The following NPAS3 variants were observed in gnomAD, a reference collection of about 807,000 sequenced individuals.
The protein encoded by NPAS3 is neuronal PAS domain protein 3, also known as neuronal PAS domain-containing protein 3.
In NPAS3, 14 loss-of-function variants were observed where a neutral mutation model predicts 73.1. The ratio of observed to expected loss-of-function variants is 0.19; its 90% confidence interval spans 0.13 to 0.30. The LOEUF (loss-of-function observed/expected upper bound fraction) is 0.30. Ranked by LOEUF, NPAS3 falls within the 10% of genes least tolerant of loss-of-function variation. The pLI is 1.00. For missense variants in NPAS3, 1,096 were observed against 1,250.0 expected, an observed-to-expected ratio of 0.88 and a Z score of 1.86; for synonymous variants, 620 against 541.5, an observed-to-expected ratio of 1.14 and a Z score of -2.01.
chr14:33,105,477 C>T (rs1426560728), intron 2 of NPAS3, among the ~76,000 whole-genome samples: 1 of 152,070 alleles, frequency 6.6e-6, no homozygotes, highest in Non-Finnish European at 1.5e-5. Flanking sequence ...ATTTTCAGTT[C>T]TCAACCTACC....
At chr14:33,101,077 T>C (rs2138885638) in intron 2 of NPAS3, among the ~76,000 whole-genome samples, 1 of 152,204 alleles carries the variant, frequency 6.6e-6, no homozygotes, top group South Asian at 2.1e-4. Flanking sequence ...GGACTAGTTC[T>C]TTGTGAAATA....
At chr14:33,214,367 G>C (rs1340908703) in intron 2 of NPAS3, 1 of 152,086 alleles carries the variant, frequency 6.6e-6, no homozygotes, top group African/African-American at 2.4e-5. Context: ...CCCACCTGTT[G>C]CCTCTTCTGG....
At chr14:33,572,013 G>C (rs935823878) in intron 5 of NPAS3, among the ~76,000 whole-genome samples, 3 of 152,058 alleles carry the variant, frequency 2.0e-5, no homozygotes, top group Non-Finnish European at 4.4e-5. Flanking sequence ...TTTTTCACAA[G>C]GGTATTTCAT....
At position 33,191,263 on chromosome 14, in the gene NPAS3, A is replaced by T. The variant is rs548465140; in HGVS notation, c.141-23919A>T. On this transcript the variant is annotated intron_variant, in intron 2 of 11. Transcript: ENST00000356141. ...CATTTATCAGTAGATATCATAAAGT[A>T]TTATGATTTGGGTGGAAGAAACTGC... is the stretch of plus-strand genomic sequence containing the variant. Among the ~76,000 whole-genome samples the T allele has an allele frequency of 4.2e-4, 64 of 152,336 alleles. 1 individual carries two copies. The highest frequency in any genetic ancestry group is 7.8e-4 in the Non-Finnish European group (53 of 68,032).
chr14:33,236,454 A>G (rs536369643), intron 3 of NPAS3, among the ~76,000 whole-genome samples: 119 of 152,306 alleles, frequency 7.8e-4, no homozygotes, highest in Middle Eastern at 3.4e-3. Flanking sequence ...TTGGAGAAAT[A>G]GAAGATGCAT....
intron 9 of NPAS3, chr14:33,780,769 TGA>T (rs1156260969): frequency 5.3e-6 from 2 of 379,550 alleles, no homozygotes; most frequent in African/African-American, 4.3e-5. Context: ...CAGAATAATT[TGA>T]GAGTGCTGAA....
At chr14:33,174,562 T>TC (rs1427510143) in intron 2 of NPAS3, among the ~76,000 whole-genome samples, 7 of 152,232 alleles carry the variant, frequency 4.6e-5, no homozygotes, top group Non-Finnish European at 1.0e-4. Context: ...TGGGTCCAGT[T>TC]AGTCCCCTGC....
At chr14:33,037,840 T>G (rs1279869961) in intron 1 of NPAS3, among the ~76,000 whole-genome samples, 4 of 152,224 alleles carry the variant, frequency 2.6e-5, no homozygotes, top group African/African-American at 9.6e-5. Context: ...CTCAGTTGTT[T>G]TACTCTATTA....
At chr14:33,252,172 A>G (rs2048612325) in intron 3 of NPAS3, among the ~76,000 whole-genome samples, 1 of 151,580 alleles carries the variant, frequency 6.6e-6, no homozygotes, top group Non-Finnish European at 1.5e-5. Context: ...TCTAGTGACT[A>G]TGAGCAATTT....
chr14:33,240,069 A>G (rs1019049949), intron 3 of NPAS3, among the ~76,000 whole-genome samples: 9 of 151,914 alleles, frequency 5.9e-5, no homozygotes, highest in African/African-American at 2.2e-4. Context: ...TGTGCTTTAC[A>G]TCAGTTGCAC....
intron 4 of NPAS3, among the ~76,000 whole-genome samples, chr14:33,406,772 A>T (rs2047685932): frequency 6.6e-6 from 1 of 152,160 alleles, no homozygotes; most frequent in African/African-American, 2.4e-5. Context: ...AATCAGGCAC[A>T]CTAGTTTTAA....
At chr14:33,116,547 G>A (rs1247474791) in intron 2 of NPAS3, among the ~76,000 whole-genome samples, 1 of 152,042 alleles carries the variant, frequency 6.6e-6, no homozygotes, top group Non-Finnish European at 1.5e-5. Flanking sequence ...CTATATTATA[G>A]CAATGCTAGA....
At chr14:33,386,459 T>C (rs1392688764) in intron 4 of NPAS3, among the ~76,000 whole-genome samples, 1 of 152,086 alleles carries the variant, frequency 6.6e-6, no homozygotes, top group Non-Finnish European at 1.5e-5. Flanking sequence ...CAATGACCAA[T>C]GGGCAGATGT....
chr14:33,749,371 G>A lies in NPAS3; in HGVS notation c.852+14039G>A, dbSNP rs188296237. 2.2e-4 allele frequency among the ~76,000 whole-genome samples: 33 copies of A among 152,224 alleles called. 1 individual carries two copies. The South Asian group carries it at 2.7e-3, about 12-fold the overall frequency. On this transcript the variant is annotated intron_variant, in intron 7 of 11. Coordinates refer to ENST00000356141, the Ensembl canonical transcript of NPAS3. ...CCAGTGTTGTCTGAAATGGGTGTACGTTTCCAGTTTTAGGGACCTGAAATG... is the reference window on the plus strand; with the variant it reads ...CCAGTGTTGTCTGAAATGGGTGTACATTTCCAGTTTTAGGGACCTGAAATG...
At chr14:33,512,079 TG>T (rs780799843) in intron 4 of NPAS3, among the ~76,000 whole-genome samples, 2 of 152,060 alleles carry the variant, frequency 1.3e-5, no homozygotes, top group African/African-American at 4.8e-5. Flanking sequence ...TCCATTGCCA[TG>T]GTGACAGAAA....
At position 33,264,285 on chromosome 14, in the gene NPAS3, G is replaced by C. The variant is rs181205104; in HGVS notation, c.385+48859G>C. ...TGGGGCCTGTTGTGGGGTAGGGGGA[G>C]GGGGGAAGGATAGCATTAGGAGATA... is the stretch of plus-strand genomic sequence containing the variant. On this transcript the variant is annotated intron_variant, in intron 3 of 11. Coordinates refer to ENST00000356141, the Ensembl canonical transcript of NPAS3. Among the ~76,000 whole-genome samples, 822 of 152,046 alleles carry C rather than the reference G, an allele frequency of 5.4e-3. 7 individuals carry two copies. Among genetic ancestry groups the C allele is most frequent in the African/African-American group, 0.019 (781 of 41,474 alleles).
rs772088999 is a variant in NPAS3, at chr14:33,800,450, G to A, written c.2143G>A (p.Val715Ile). ...GCTGCACGTGGCCATTCCCGACTCG[G>A]TCCTCACCCCGCCCGGCGCCGACGG... Residue 715 changes from valine (V) to isoleucine (I), a missense_variant, in exon 12 of 12, where the codon GTC becomes ATC. Transcript: ENST00000356141. The surrounding 1 kb of genome is among the most constrained non-coding windows in gnomAD (Gnocchi z 6.5). 1.1e-5 allele frequency: 17 copies of A among 1,543,788 alleles called. No homozygotes were observed. In the African/African-American group the frequency reaches 2.0e-4, roughly 18 times the overall value.
intron 4 of NPAS3, among the ~76,000 whole-genome samples, chr14:33,522,103 G>A (rs148181345): frequency 5.9e-5 from 9 of 152,116 alleles, no homozygotes; most frequent in African/African-American, 1.7e-4. Context: ...AAACACACAC[G>A]CACATAGTGT....
intron 4 of NPAS3, among the ~76,000 whole-genome samples, chr14:33,517,875 T>G (rs561715489): frequency 6.6e-6 from 1 of 152,190 alleles, no homozygotes; most frequent in South Asian, 2.1e-4. Flanking sequence ...TGGCATGCAA[T>G]AGGTGCTCAG....
Sources: allele counts gnomAD v4.1 joint callset (sites outside exome capture counted in the v4.1 genomes callset), GRCh38; gene constraint gnomAD v4.1.1; non-coding constraint Gnocchi (gnomAD v3.1); transcripts MANE v1.5; gene names NCBI Gene and HGNC (gene_info 2026-07-23, HGNC 2026-07-21).